Variants in RRBP1 observed in about 807,000 individuals in gnomAD.
RRBP1 encodes ribosome-binding protein 1.
A neutral mutation model predicts 165.2 loss-of-function variants in RRBP1; 94 were observed. The observed-to-expected ratio is 0.57, with a 90% CI of 0.48 to 0.68. RRBP1 has a LOEUF of 0.68. Among genes scored for constraint, RRBP1 ranks in the 30% least tolerant of loss-of-function variants. The pLI, the probability that RRBP1 is intolerant of heterozygous loss-of-function variation, is 0.00. For missense variants in RRBP1, 1,676 were observed against 1,763.0 expected (o/e 0.95, Z 0.88); for synonymous variants, 680 against 714.5 (o/e 0.95, Z 0.77).
chr20:17,634,182 C>A (rs916963111), intron 7 of RRBP1, among the ~76,000 whole-genome samples: 1 of 152,240 alleles, frequency 6.6e-6, no homozygotes, highest in Admixed American at 6.5e-5. Context: ...GGAGGCCTGC[C>A]TTTCCAGCGT....
In RRBP1 at chr20:17,667,754, C is replaced by T. The variant is rs138923101; in HGVS notation, c.-21-7226G>A. Among the ~76,000 whole-genome samples, 64 of 152,338 alleles carry T rather than the reference C, an allele frequency of 4.2e-4. 1 individual carries two copies. The East Asian group carries it at 0.012, about 28-fold the overall frequency. ...CCAAATGCTGGCCATCTGCTCATCA[C>T]TGCTACTTGCATCTCATTCCTTTTT... On this transcript the variant is annotated intron_variant, in intron 2 of 24. Coordinates refer to ENST00000377813, the MANE Select transcript of RRBP1 (RefSeq NM_001365613.2).
intron 6 of RRBP1, 64 bp from the exon 7 acceptor site, chr20:17,635,728 G>A (rs752188319): frequency 2.5e-5 from 31 of 1,239,974 alleles, no homozygotes; most frequent in Admixed American, 2.4e-4. Flanking sequence ...TGACTTCTGA[G>A]CAGTGGTTAG....
At position 17,650,434 on chromosome 20, in the gene RRBP1, G is replaced by A. The variant is rs374910277; in HGVS notation, c.1913-7307C>T. Among the ~76,000 whole-genome samples, 10 of 152,272 alleles carry A rather than the reference G, an allele frequency of 6.6e-5. No homozygotes were observed. The South Asian group carries it at 2.1e-3, about 32-fold the overall frequency. On this transcript the variant is annotated intron_variant, in intron 3 of 24. Coordinates refer to ENST00000377813, the MANE Select transcript of RRBP1 (RefSeq NM_001365613.2). ...CAGCAGGCTGGGGAAAGAGGGCCCC[G>A]CAGAAAGCAGGCCCACAGCCAAGAC...
chr20:17,620,444 C>T (rs893767368), intron 17 of RRBP1, 74 bp from the exon 18 acceptor site: 18 of 1,377,500 alleles, frequency 1.3e-5, no homozygotes, highest in South Asian at 8.1e-5. Flanking sequence ...TGCTAGGACC[C>T]GAGCGGGACT....
chr20:17,626,076 A>G (rs1004245928), intron 11 of RRBP1, among the ~76,000 whole-genome samples: 4 of 152,324 alleles, frequency 2.6e-5, no homozygotes, highest in East Asian at 1.9e-4. Flanking sequence ...GAATTCTAGA[A>G]TATCTGGGGC....
chr20:17,666,338 T>TC (rs1401662193), intron 2 of RRBP1, among the ~76,000 whole-genome samples: 2 of 144,912 alleles, frequency 1.4e-5, no homozygotes, highest in African/African-American at 5.2e-5. Context: ...AGACCCTGTC[T>TC]CTTAAAAAAA....
Position 17,643,096 on chromosome 20 carries a change from G to A in RRBP1, c.1944C>T (p.Leu648=), listed in dbSNP as rs780858673. ...CCGTGGAGACCAGCGTCTTGTAGGG[G>A]AGGTAGAGAGGGCCGTCGGCATCTG... ...GPPDADGPLY[L]PYKTLVSTVG... The change falls in exon 4 of 25, where the codon CTC becomes CTT. Residue 648 remains leucine (L), a synonymous_variant. Coordinates refer to ENST00000377813, the MANE Select transcript of RRBP1 (RefSeq NM_001365613.2). The surrounding 1 kb of genome is among the most constrained non-coding windows in gnomAD (Gnocchi z 4.3). 5.6e-6 allele frequency: 9 copies of A among 1,613,978 alleles called. No homozygotes were observed. Among genetic ancestry groups the A allele is most frequent in the African/African-American group, 1.3e-5 (1 of 74,936 alleles).
chr20:17,618,785 C>A (rs113781524), intron 19 of RRBP1, 106 bp from the exon 20 acceptor site: 2 of 837,016 alleles, frequency 2.4e-6, no homozygotes, highest in Non-Finnish European at 4.0e-6. Flanking sequence ...ATCCACTTAA[C>A]CAAAACCCTG....
At chr20:17,620,196 C>T in intron 18 of RRBP1, 103 bp downstream of exon 18, 3 of 855,228 alleles carry the variant, frequency 3.5e-6, no homozygotes, top group South Asian at 1.5e-5. Context: ...TCTTAAGGCA[C>T]ACGGTCCATG....
Position 17,615,452 on chromosome 20 carries a change from T to C in RRBP1, c.4029A>G (p.Thr1343=), listed in dbSNP as rs1338594410. 1.9e-6 allele frequency: 3 copies of C among 1,610,556 alleles called. No homozygotes were observed. The highest frequency in any genetic ancestry group is 1.7e-4 in the Middle Eastern group (1 of 6,036). The change falls in exon 23 of 25, where the codon ACA becomes ACG. Residue 1343 remains threonine, a synonymous_variant. Transcript: ENST00000377813. ...CTGCCTTCAGCTGTGAGGCCTCCTCTGTTTCTGAAGACTCTAGGGGGCCGG... is the reference window on the plus strand; with the variant it reads ...CTGCCTTCAGCTGTGAGGCCTCCTCCGTTTCTGAAGACTCTAGGGGGCCGG... The part of the protein sequence containing the change: ...RTAGPLESSE[T]EEASQLKERL...
At chr20:17,671,532 G>A (rs1460466163) in intron 2 of RRBP1, among the ~76,000 whole-genome samples, 2 of 152,106 alleles carry the variant, frequency 1.3e-5, no homozygotes, top group Admixed American at 6.6e-5. Context: ...TCCACATGAG[G>A]GACAACTTGT....
At chr20:17,637,277 G>T (rs537776994) in intron 5 of RRBP1, among the ~76,000 whole-genome samples, 1 of 152,334 alleles carries the variant, frequency 6.6e-6, no homozygotes, top group East Asian at 1.9e-4. Flanking sequence ...ATCAGTGCCA[G>T]ATACCCACAG....
Position 17,615,997 on chromosome 20 carries a change from G to A in RRBP1, c.3880C>T (p.Leu1294=). The part of the protein sequence containing the change: ...EQDPVQLKTQ[L]EWTEAILEDE... ...TCCAGGATGGCTTCTGTCCACTCCA[G>A]CTGCGTCTTCAGCTGTGCAAACACC... The change falls in exon 22 of 25, where the codon CTG becomes TTG. Residue 1294 remains leucine, a synonymous_variant. Transcript: ENST00000377813. 3.7e-6 allele frequency: 6 copies of A among 1,606,654 alleles called. No homozygotes were observed. The highest frequency in any genetic ancestry group is 4.2e-6 in the Non-Finnish European group (5 of 1,179,754).
At chr20:17,616,153 C>T (rs1600722217) in intron 21 of RRBP1, 144 bp from the exon 22 acceptor site, 1 of 679,014 alleles carries the variant, frequency 1.5e-6, no homozygotes, top group East Asian at 2.8e-5. Context: ...GAGAGGGCAC[C>T]TCAGCCCCTG....
chr20:17,641,441 A>G (rs1409911828), intron 5 of RRBP1: 1 of 268,772 alleles, frequency 3.7e-6, no homozygotes, highest in Non-Finnish European at 7.2e-6. Context: ...TTCCAGGCAC[A>G]GCCCCTAGAA....
rs201701088 is a variant in RRBP1, at chr20:17,660,098, T to C, written c.410A>G (p.Lys137Arg). Reference protein sequence around the residue: ...MPQEKLASSPKDKKKKEKKVA... With the variant: ...MPQEKLASSPRDKKKKEKKVA... ...TTTTTTCTCCTTCTTCTTTTTGTCC[T>C]TGGGGGAGGAGGCCAGCTTCTCCTG... Residue 137 changes from lysine to arginine, a missense_variant, in exon 3 of 25, where the codon AAG (lysine) becomes AGG (arginine). Physicochemically the swap from Lys to Arg is conservative, Grantham distance 26. Transcript: ENST00000377813. 27 of 1,614,152 alleles carry C rather than the reference T, an allele frequency of 1.7e-5. No individual in the cohort carries two copies. The African/African-American group carries it at 3.5e-4, about 21-fold the overall frequency.
Position 17,659,421 on chromosome 20 carries a change from C to A in RRBP1, c.1087G>T (p.Glu363Ter). The change falls in exon 3 of 25, where the codon GAG becomes TAG. Residue 363 changes from glutamate (E) to a stop codon, truncating the protein, a stop_gained. Coordinates refer to ENST00000377813, the MANE Select transcript of RRBP1 (RefSeq NM_001365613.2). LOFTEE classifies it high-confidence loss of function. ...EGAQNQGKKA[E>*]GAQNQGKKAE... ...TTCTTGCCCTGATTCTGGGCCCCCT[C>A]GGCCTTCTTGCCCTGATTCTGGGCC... The A allele has an allele frequency of 6.6e-7, 1 of 1,521,824 alleles. No homozygotes were observed. Among genetic ancestry groups the A allele is most frequent in the Non-Finnish European group, 8.8e-7 (1 of 1,136,784 alleles). The allele number at this position is 1,521,824 out of a possible 1,614,324, so 94.3% of individuals were successfully genotyped here.
chr20:17,620,453 C>CT, intron 17 of RRBP1, 83 bp from the exon 18 acceptor site: 1 of 1,292,196 alleles, frequency 7.7e-7, no homozygotes, highest in African/African-American at 1.5e-5. Flanking sequence ...CCGAGCGGGA[C>CT]TGACCCAACT....
At chr20:17,640,623 G>T (rs1381102506) in intron 5 of RRBP1, among the ~76,000 whole-genome samples, 1 of 152,164 alleles carries the variant, frequency 6.6e-6, no homozygotes, top group Non-Finnish European at 1.5e-5. Context: ...CACCTAAGAG[G>T]CAAGGCCAGT....
Sources: gnomAD v4.1 joint callset for allele counts (sites outside exome capture counted in the v4.1 genomes callset) on GRCh38, gnomAD v4.1.1 for gene constraint, Gnocchi (gnomAD v3.1) non-coding constraint, MANE v1.5 for transcripts, NCBI Gene and HGNC (gene_info 2026-07-23, HGNC 2026-07-21) for gene names.